The following PARK7 variants were observed in gnomAD, a reference collection of about 807,000 sequenced individuals.
PARK7 encodes the protein Parkinson disease protein 7.
In PARK7, 14 loss-of-function variants were observed where a neutral mutation model predicts 20.5. The ratio of observed to expected loss-of-function variants is 0.68; its 90% confidence interval spans 0.45 to 1.07. The LOEUF is 1.07. Ranked by LOEUF, PARK7 falls within the 50% of genes least tolerant of loss-of-function variation. The pLI, the probability that PARK7 is intolerant of heterozygous loss-of-function variation, is 0.00. For missense variants in PARK7, 234 were observed against 238.1 expected (o/e 0.98, Z 0.11); for synonymous variants, 98 against 84.3 (o/e 1.16, Z -0.89).
rs1245140194 is a variant in PARK7 at position 7,981,660 on chromosome 1, G to GTTTT, written c.410-3221_410-3218dup. ...TGCTGACCTGTGTCCTGTGTCTTTT[G>GTTTT]TTTTTTTTTTTTTTTTGAGACAGAG... is the stretch of plus-strand genomic sequence containing the variant. On this transcript the variant is annotated intron_variant, in intron 6 of 6. Coordinates refer to ENST00000338639, the MANE Select transcript of PARK7 (RefSeq NM_007262.5). 1.4e-3 allele frequency among the ~76,000 whole-genome samples: 189 copies of GTTTT among 136,496 alleles called. 5 individuals are homozygous for GTTTT. The highest frequency in any genetic ancestry group is 1.8e-3 in the Non-Finnish European group (113 of 63,776). 89.5% of individuals were successfully genotyped at this position (136,496 alleles called of 152,430 possible). A position where few individuals can be genotyped will look rare whatever the true frequency, so the allele number is the denominator to read the frequency against.
At chr1:7,974,578 G>A (rs1438687152) in intron 5 of PARK7, among the ~76,000 whole-genome samples, 9 of 151,368 alleles carry the variant, frequency 5.9e-5, no homozygotes, top group Admixed American at 2.0e-4. Flanking sequence ...GCAGTGAGCC[G>A]AGATTGCGCC....
chr1:7,969,785 G>A (rs1297058202), intron 4 of PARK7, among the ~76,000 whole-genome samples: 4 of 152,064 alleles, frequency 2.6e-5, no homozygotes, highest in South Asian at 2.1e-4. Context: ...TCACCATGTT[G>A]GCCAGTCTGG....
At chr1:7,971,296 A>G (rs1640460292) in intron 5 of PARK7, 3 of 387,622 alleles carry the variant, frequency 7.7e-6, no homozygotes, top group South Asian at 6.5e-5. Context: ...CCAGCACACA[A>G]TCAGCAAAAT....
chr1:7,970,905 G>A lies in PARK7; in HGVS notation c.264G>A (p.Val88=). Residue 88 remains valine, a synonymous_variant, in exon 5 of 7, where the codon GTG becomes GTA. Transcript: ENST00000338639. ...GAQNLSESAA[V]KEILKEQENR... is the part of the protein sequence containing the mutation. ...TTTCTTTTCACTAGTCTGCTGCTGT[G>A]AAGGAGATACTGAAGGAGCAGGAAA... The A allele has an allele frequency of 8.7e-6, 14 of 1,614,204 alleles. No individual in the cohort carries two copies. The highest frequency in any genetic ancestry group is 1.3e-5 in the African/African-American group (1 of 75,066).
At chr1:7,982,327 T>C (rs1198173841) in intron 6 of PARK7, among the ~76,000 whole-genome samples, 2 of 151,792 alleles carry the variant, frequency 1.3e-5, no homozygotes, top group Non-Finnish European at 2.9e-5. Context: ...AGACTTGGAG[T>C]CTGGTTTAAA....
At position 7,984,915 on chromosome 1, in the gene PARK7, A is replaced by G. The variant is rs749485971; in HGVS notation, c.431A>G (p.Asn144Ser). 1 of 1,614,016 alleles carries G rather than the reference A, an allele frequency of 6.2e-7. No individual in the cohort carries two copies. The highest frequency in any genetic ancestry group is 8.5e-7 in the Non-Finnish European group (1 of 1,180,026). ...MNGGHYTYSE[N>S]RVEKDGLILT... ...GCAGGTCATTACACCTACTCTGAGAATCGTGTGGAAAAAGACGGCCTGATT... is the reference window on the plus strand; with the variant it reads ...GCAGGTCATTACACCTACTCTGAGAGTCGTGTGGAAAAAGACGGCCTGATT... Residue 144 changes from asparagine to serine, a missense_variant, in exon 7 of 7, where the codon AAT (asparagine) becomes AGT (serine). Coordinates refer to ENST00000338639, the MANE Select transcript of PARK7 (RefSeq NM_007262.5). The surrounding 1 kb of genome is among the most constrained non-coding windows in gnomAD (Gnocchi z 4.3).
intron 3 of PARK7, among the ~76,000 whole-genome samples, chr1:7,966,183 G>C (rs1240063041): frequency 6.6e-6 from 1 of 152,070 alleles, no homozygotes; most frequent in East Asian, 1.9e-4. Context: ...CTGACAGCAG[G>C]GTCATGGCAG....
At chr1:7,982,642 C>T (rs764157275) in intron 6 of PARK7, among the ~76,000 whole-genome samples, 3 of 152,178 alleles carry the variant, frequency 2.0e-5, no homozygotes, top group Admixed American at 6.6e-5. Context: ...TTGTGCCTCG[C>T]GTTGTCCCAC....
intron 5 of PARK7, among the ~76,000 whole-genome samples, chr1:7,973,364 G>T (rs145947052): frequency 3.3e-5 from 5 of 152,356 alleles, no homozygotes; most frequent in East Asian, 1.9e-4. Context: ...CTGCTGCTGT[G>T]AAGCAAGCCT....
intron 3 of PARK7, among the ~76,000 whole-genome samples, chr1:7,968,841 T>A (rs1053453716): frequency 1.3e-5 from 2 of 152,328 alleles, no homozygotes; most frequent in African/African-American, 4.8e-5. Flanking sequence ...TTTTTTAAGT[T>A]GTTCATGTAC....
At chr1:7,970,123 G>A (rs939033555) in intron 4 of PARK7, among the ~76,000 whole-genome samples, 1 of 152,086 alleles carries the variant, frequency 6.6e-6, no homozygotes, top group Admixed American at 6.6e-5. Context: ...TGAGGCCAGG[G>A]ATTTGAGGCT....
At chr1:7,962,959 C>G (rs1640240975) in intron 2 of PARK7, 84 bp downstream of exon 2, 1 of 1,128,150 alleles carries the variant, frequency 8.9e-7, no homozygotes, top group African/African-American at 1.5e-5. Flanking sequence ...ATTCAAAGTG[C>G]TCTATGAAAT....
Position 7,985,106 on chromosome 1 carries a change from C to G in PARK7, c.*52C>G, listed in dbSNP as rs1640793596. Reference sequence around the variant, plus strand: ...AGAAACAGGCCGTTAGGAATCCATTCTCACTGTGTTCGCTCTAAACAAAAC... The same window carrying G: ...AGAAACAGGCCGTTAGGAATCCATTGTCACTGTGTTCGCTCTAAACAAAAC... On this transcript the variant is annotated 3_prime_UTR_variant, in exon 7 of 7. Coordinates refer to ENST00000338639, the MANE Select transcript of PARK7 (RefSeq NM_007262.5). The G allele has an allele frequency of 6.3e-7, 1 of 1,594,522 alleles. No homozygotes were observed.
In PARK7 at chr1:7,965,320, G is replaced by A. The variant is rs756040385; in HGVS notation, c.91-4G>A. 3.8e-5 allele frequency: 61 copies of A among 1,612,054 alleles called. 1 individual carries two copies. In the South Asian group the frequency reaches 4.1e-4, roughly 11 times the overall value. ...TCTTAAATATGATAACATCTTTCTC[G>A]TAGATTAAGGTCACCGTTGCAGGCC... is the stretch of plus-strand genomic sequence containing the variant. On this transcript the variant is annotated splice_region_variant and splice_polypyrimidine_tract_variant and intron_variant, in intron 2 of 6. Transcript: ENST00000338639.
In PARK7 at chr1:7,981,820, G is replaced by C. The variant is rs181318782; in HGVS notation, c.410-3074G>C. On this transcript the variant is annotated intron_variant, in intron 6 of 6. Coordinates refer to ENST00000338639, the MANE Select transcript of PARK7 (RefSeq NM_007262.5). The stretch of plus-strand genomic sequence containing the variant: ...ACTACAGGTGCCCGCCACCACGCCT[G>C]GCTTATTTTTTGTATTTTTAGTAGA... 2.8e-4 allele frequency among the ~76,000 whole-genome samples: 42 copies of C among 151,714 alleles called. 1 individual carries two copies. The East Asian group carries it at 7.2e-3, about 26-fold the overall frequency.
At chr1:7,977,010 G>C (rs1172471456) in intron 5 of PARK7, among the ~76,000 whole-genome samples, 3 of 152,192 alleles carry the variant, frequency 2.0e-5, no homozygotes, top group Admixed American at 6.5e-5. Flanking sequence ...ATGAGCCACC[G>C]TGCCCGGCCT....
chr1:7,962,653 C>T, intron 1 of PARK7, 110 bp from the exon 2 acceptor site: 1 of 680,980 alleles, frequency 1.5e-6, no homozygotes, highest in African/African-American at 1.8e-5. Context: ...AAAACCGTTT[C>T]CCTAGGAAGT....
intron 1 of PARK7, among the ~76,000 whole-genome samples, chr1:7,962,417 C>T (rs543403496): frequency 6.6e-6 from 1 of 152,168 alleles, no homozygotes; most frequent in Non-Finnish European, 1.5e-5. Flanking sequence ...GACTGTTTCC[C>T]CGCATTGTGT....
At chr1:7,964,651 T>A (rs1182451169) in intron 2 of PARK7, among the ~76,000 whole-genome samples, 1 of 152,226 alleles carries the variant, frequency 6.6e-6, no homozygotes, top group Non-Finnish European at 1.5e-5. Flanking sequence ...TGACTAGGTT[T>A]TGCCAAGTTG....
Sources: gnomAD v4.1 joint callset for allele counts (sites outside exome capture counted in the v4.1 genomes callset) on GRCh38, gnomAD v4.1.1 for gene constraint, Gnocchi (gnomAD v3.1) non-coding constraint, MANE v1.5 for transcripts, NCBI Gene and HGNC (gene_info 2026-07-23, HGNC 2026-07-21) for gene names.